Variants in CAST observed in about 807,000 individuals in gnomAD.
The protein encoded by CAST is MIR583 host.
Under a neutral mutation model 119.6 loss-of-function variants are expected in CAST, and 76 were observed. That is an observed-to-expected ratio of 0.64 (90% CI 0.53 to 0.77). The LOEUF is 0.77. CAST is among the 30% of genes least tolerant of loss of function. The pLI is 0.00. For missense variants in CAST, 953 were observed against 946.5 expected (o/e 1.01, Z -0.09); for synonymous variants, 319 against 331.6 (o/e 0.96, Z 0.41).
the CAST span, among the ~76,000 whole-genome samples, chr5:96,161,940 G>A: frequency 8.9e-4 from 135 of 152,090 alleles, no homozygotes; most frequent in Middle Eastern, 0.01. Context: ...ATAGAAATAC[G>A]ATTGATTTTT....
At chr5:96,109,952 AT>A in the CAST span, among the ~76,000 whole-genome samples, 2 of 152,182 alleles carry the variant, frequency 1.3e-5, no homozygotes, top group African/African-American at 4.8e-5. Flanking sequence ...AAGAAAAAAA[AT>A]AAAGCACCGC....
the CAST span, among the ~76,000 whole-genome samples, chr5:96,467,562 T>A: frequency 1.3e-5 from 2 of 152,204 alleles, no homozygotes; most frequent in African/African-American, 4.8e-5. Context: ...TGGTATCATT[T>A]ATTTAAAAGT....
the CAST span, among the ~76,000 whole-genome samples, chr5:96,135,492 G>A: frequency 6.6e-6 from 1 of 152,260 alleles, no homozygotes; most frequent in African/African-American, 2.4e-5. Context: ...AGGGGTAAGG[G>A]AGAAGTTAGC....
the CAST span, among the ~76,000 whole-genome samples, chr5:96,452,834 C>T: frequency 6.9e-6 from 1 of 145,258 alleles, no homozygotes; most frequent in Non-Finnish European, 1.5e-5. Flanking sequence ...CCTGTAGTCC[C>T]AGCTACTCGG....
At chr5:96,601,747 A>T (rs534219836) in intron 1 of CAST, among the ~76,000 whole-genome samples, 1 of 152,316 alleles carries the variant, frequency 6.6e-6, no homozygotes, top group East Asian at 1.9e-4. Flanking sequence ...CTTACCCTCT[A>T]TAGACCAAAA....
At chr5:96,394,900 G>A in the CAST span, 1 of 1,614,110 alleles carries the variant, frequency 6.2e-7, no homozygotes, top group Non-Finnish European at 8.5e-7. Context: ...CCCCTCTTCT[G>A]TCATTCTGAA....
Position 96,693,503 on chromosome 5 carries a change from T to C in CAST, c.139-2333T>C, listed in dbSNP as rs1376792667. Among the ~76,000 whole-genome samples, 8 of 152,334 alleles carry C rather than the reference T, an allele frequency of 5.3e-5. No homozygotes were observed. The South Asian group carries it at 1.4e-3, about 28-fold the overall frequency. On this transcript the variant is annotated intron_variant, in intron 2 of 31. Transcript: ENST00000675179. ...TTAGCCCAGGATTGGAACATGGCCTTCCTCAATTGTAGCTAAGATCAAAAG... is the reference window on the plus strand; with the variant it reads ...TTAGCCCAGGATTGGAACATGGCCTCCCTCAATTGTAGCTAAGATCAAAAG...
At chr5:96,386,025 C>T in the CAST span, among the ~76,000 whole-genome samples, 2 of 152,192 alleles carry the variant, frequency 1.3e-5, no homozygotes, top group African/African-American at 4.8e-5. Context: ...CTCACTTTCC[C>T]ATCCTCAAAA....
At chr5:96,153,378 G>A in the CAST span, among the ~76,000 whole-genome samples, 2 of 152,120 alleles carry the variant, frequency 1.3e-5, no homozygotes, top group East Asian at 1.9e-4. Flanking sequence ...CTGTCCCAAC[G>A]CACTCAGGTT....
the CAST span, among the ~76,000 whole-genome samples, chr5:96,199,205 G>C: frequency 6.6e-6 from 1 of 152,124 alleles, no homozygotes; most frequent in East Asian, 1.9e-4. Context: ...TCTCTCACAA[G>C]ATAGAAGATG....
the CAST span, among the ~76,000 whole-genome samples, chr5:96,418,278 A>G: frequency 2.0e-5 from 3 of 152,230 alleles, no homozygotes; most frequent in Non-Finnish European, 2.9e-5. Context: ...GTGCTGCAGT[A>G]AAGAACTTTC....
At chr5:96,124,427 C>T in the CAST span, among the ~76,000 whole-genome samples, 1 of 152,118 alleles carries the variant, frequency 6.6e-6, no homozygotes, top group South Asian at 2.1e-4. Context: ...GCTTATTTTT[C>T]TCTAAATGAT....
At chr5:96,144,969 C>G in the CAST span, among the ~76,000 whole-genome samples, 15 of 152,262 alleles carry the variant, frequency 9.9e-5, no homozygotes, top group Admixed American at 9.2e-4. Flanking sequence ...AAATTTACTG[C>G]CCATATAATT....
the CAST span, among the ~76,000 whole-genome samples, chr5:96,157,468 A>G: frequency 1.3e-5 from 2 of 152,260 alleles, no homozygotes; most frequent in South Asian, 4.1e-4. Context: ...CCTCAAAGAC[A>G]AAAGTATACT....
At chr5:96,578,593 T>C (rs1746717047) in intron 1 of CAST, among the ~76,000 whole-genome samples, 1 of 152,242 alleles carries the variant, frequency 6.6e-6, no homozygotes, top group Non-Finnish European at 1.5e-5. Flanking sequence ...ACTGAGATTT[T>C]CTACTTTTTC....
rs140834737 is a variant in CAST at position 96,529,952 on chromosome 5, G to A, written c.60+72G>A. The A allele has an allele frequency of 1.9e-3, 590 of 304,772 alleles. 2 individuals are homozygous for A. The highest frequency in any genetic ancestry group is 2.7e-3 in the Non-Finnish European group (415 of 152,414). 18.9% of individuals were successfully genotyped at this position (304,772 alleles called of 1,614,324 possible). A position where few individuals can be genotyped will look rare whatever the true frequency, so the allele number is the denominator to read the frequency against. ...TGTTTTTTCATAGAACCGTGAGAAT[G>A]GAAGAATACAGCCATTCTATATATA... On this transcript the variant is annotated intron_variant, in intron 1 of 11. Transcript: ENST00000505143.
chr5:96,390,935 T>C, the CAST span: 1 of 152,628 alleles, frequency 6.6e-6, no homozygotes, highest in Non-Finnish European at 1.5e-5. Context: ...CCAGAAAATA[T>C]TTTGTTAGGA....
chr5:96,456,404 G>A, the CAST span, among the ~76,000 whole-genome samples: 1 of 152,054 alleles, frequency 6.6e-6, no homozygotes, highest in African/African-American at 2.4e-5. Flanking sequence ...TTTCCTAGAG[G>A]CAAAATCTCT....
At chr5:96,669,099 A>G (rs1351132307) in intron 1 of CAST, among the ~76,000 whole-genome samples, 1 of 152,246 alleles carries the variant, frequency 6.6e-6, no homozygotes, top group Non-Finnish European at 1.5e-5. Context: ...GCAAAGTTCC[A>G]CTACAATTTG....
Sources: allele counts gnomAD v4.1 joint callset (sites outside exome capture counted in the v4.1 genomes callset), GRCh38; gene constraint gnomAD v4.1.1; transcripts MANE v1.5; gene names NCBI Gene and HGNC (gene_info 2026-07-23, HGNC 2026-07-21).